Variants in SEZ6 observed in about 807,000 individuals in gnomAD.
The protein encoded by SEZ6 is seizure protein 6 homolog.
Under a neutral mutation model 101.0 loss-of-function variants are expected in SEZ6, and 53 were observed. That is an observed-to-expected ratio of 0.52 (90% CI 0.42 to 0.66). The LOEUF is 0.66. Among genes scored for constraint, SEZ6 ranks in the 30% least tolerant of loss-of-function variants. The probability of loss-of-function intolerance (pLI) is 0.00; values close to 1 mark genes in which losing one functional copy is unlikely to be tolerated. For synonymous variants in SEZ6, 488 were observed against 512.2 expected (o/e 0.95, Z 0.64); for missense variants, 1,102 against 1,289.4 (o/e 0.85, Z 2.23).
intron 5 of SEZ6, among the ~76,000 whole-genome samples, chr17:28,962,715 A>T (rs1390489301): frequency 7.1e-6 from 1 of 141,208 alleles, no homozygotes; most frequent in Non-Finnish European, 1.5e-5. Flanking sequence ...CGGGAGGTGG[A>T]GGTTGCAGTG....
chr17:28,996,824 T>C (rs1415685663), intron 1 of SEZ6, among the ~76,000 whole-genome samples: 1 of 152,152 alleles, frequency 6.6e-6, no homozygotes, highest in Non-Finnish European at 1.5e-5. Context: ...GGCCTGTCCC[T>C]TGTCTCCACC....
At position 29,005,530 on chromosome 17, in the gene SEZ6, G is replaced by C. The variant is rs1265486676; in HGVS notation, c.55+285C>G. Among the ~76,000 whole-genome samples, 2 of 152,206 alleles carry C rather than the reference G, an allele frequency of 1.3e-5. No individual in the cohort carries two copies. On this transcript the variant is annotated intron_variant, in intron 1 of 16. Coordinates refer to ENST00000317338, the MANE Select transcript of SEZ6 (RefSeq NM_178860.5). This position sits in a 1 kb window ranked among gnomAD's most constrained non-coding sequence, Gnocchi z 4.8. Reference sequence around the variant, plus strand: ...CGCGCGGGTGAGCGCGTGTGTGCGGGGAGTGGGTGGCGTGATGAATTGCAT... The same window carrying C: ...CGCGCGGGTGAGCGCGTGTGTGCGGCGAGTGGGTGGCGTGATGAATTGCAT...
At chr17:28,969,980 A>G (rs1025011142) in intron 3 of SEZ6, 28 bp from the exon 4 acceptor site, 6 of 1,512,050 alleles carry the variant, frequency 4.0e-6, no homozygotes, top group Non-Finnish European at 5.2e-6. Context: ...AGAGAAAAGC[A>G]AAGTAGTCAG....
chr17:29,000,846 A>G (rs1470984898), intron 1 of SEZ6, among the ~76,000 whole-genome samples: 2 of 152,082 alleles, frequency 1.3e-5, no homozygotes, highest in Non-Finnish European at 2.9e-5. Context: ...GGTGGTCAGG[A>G]ATCCTGGGCT....
intron 4 of SEZ6, among the ~76,000 whole-genome samples, chr17:28,965,592 T>C (rs1239594847): frequency 1.3e-5 from 2 of 152,116 alleles, no homozygotes; most frequent in Non-Finnish European, 2.9e-5. Flanking sequence ...TGAACTATGA[T>C]TGCACCACTG....
At chr17:28,988,271 C>T (rs923910556) in intron 1 of SEZ6, among the ~76,000 whole-genome samples, 1 of 152,178 alleles carries the variant, frequency 6.6e-6, no homozygotes, top group Non-Finnish European at 1.5e-5. Flanking sequence ...TCTTGACCTC[C>T]TGGGGGCACT....
At chr17:28,991,820 G>T (rs941714052) in intron 1 of SEZ6, among the ~76,000 whole-genome samples, 2 of 152,334 alleles carry the variant, frequency 1.3e-5, no homozygotes, top group East Asian at 3.9e-4. Context: ...GATGAGGTTT[G>T]CTTCCCAAAC....
intron 1 of SEZ6, among the ~76,000 whole-genome samples, chr17:28,987,824 G>T (rs1189567852): frequency 1.3e-5 from 2 of 152,198 alleles, no homozygotes; most frequent in Non-Finnish European, 2.9e-5. Context: ...GCCCAGAATG[G>T]TTATGTAACT....
chr17:28,991,687 C>T (rs933064758), intron 1 of SEZ6, among the ~76,000 whole-genome samples: 3 of 152,134 alleles, frequency 2.0e-5, no homozygotes, highest in Admixed American at 6.6e-5. Context: ...GGGAAAACTG[C>T]GGCTTGGGAT....
chr17:28,975,016 G>T (rs950697534), intron 3 of SEZ6, among the ~76,000 whole-genome samples: 1 of 152,202 alleles, frequency 6.6e-6, no homozygotes, highest in Admixed American at 6.5e-5. Context: ...CTACTTCATG[G>T]GTTTGTAAGG....
intron 1 of SEZ6, among the ~76,000 whole-genome samples, chr17:28,984,105 A>G (rs2041345860): frequency 6.6e-6 from 1 of 152,192 alleles, no homozygotes; most frequent in East Asian, 1.9e-4. Flanking sequence ...GTGTCTTGGC[A>G]TTGTGTGCCA....
At chr17:28,975,956 CAG>C (rs1482510752) in intron 3 of SEZ6, among the ~76,000 whole-genome samples, 2 of 152,220 alleles carry the variant, frequency 1.3e-5, no homozygotes, top group African/African-American at 2.4e-5. Context: ...CTGGAGCCCT[CAG>C]GGGGAGACTG....
rs1230048589 is a variant in SEZ6 at position 28,981,581 on chromosome 17, C to G, written c.514G>C (p.Ala172Pro). ...AVPTLGPGEI[A>P]STTPPSRAWT... ...GCTCTGCTGGGGGGTGTAGTGCTGG[C>G]TATCTCCCCTGGGCCTAGGGTGGGC... is the stretch of plus-strand genomic sequence containing the variant. The change falls in exon 2 of 17, where the codon GCC becomes CCC. Residue 172 changes from alanine (A) to proline (P), a missense_variant. Coordinates refer to ENST00000317338, the MANE Select transcript of SEZ6 (RefSeq NM_178860.5). The G allele has an allele frequency of 1.2e-6, 2 of 1,610,346 alleles. No individual in the cohort carries two copies. The highest frequency in any genetic ancestry group is 1.7e-6 in the Non-Finnish European group (2 of 1,177,760).
intron 4 of SEZ6, among the ~76,000 whole-genome samples, chr17:28,967,485 T>C (rs1469316556): frequency 6.6e-6 from 1 of 151,970 alleles, no homozygotes; most frequent in Non-Finnish European, 1.5e-5. Context: ...AATCTGAGAG[T>C]AACAGACAAG....
At position 28,958,041 on chromosome 17, in the gene SEZ6, G is replaced by T; in HGVS notation, c.2208C>A (p.Tyr736Ter). 6.2e-7 allele frequency: 1 copy of T among 1,613,922 alleles called. No individual in the cohort carries two copies. The highest frequency in any genetic ancestry group is 8.5e-7 in the Non-Finnish European group (1 of 1,179,820). ...CTACCTGGTAGCCAGGGTAGCACTG[G>T]TAAGTGACCACGGTGCCGTGCACTA... ...PELVHGTVVT[Y>*]QCYPGYQVVG... The change falls in exon 11 of 17, where the codon TAC becomes TAA. Residue 736 changes from tyrosine (Y) to a stop codon, truncating the protein, a stop_gained. Transcript: ENST00000317338. LOFTEE classifies it high-confidence loss of function.
At chr17:28,998,170 G>A (rs762409038) in intron 1 of SEZ6, among the ~76,000 whole-genome samples, 20 of 152,020 alleles carry the variant, frequency 1.3e-4, no homozygotes, top group Non-Finnish European at 2.5e-4. Context: ...AGAAGGGTCC[G>A]CTTTGGTGTC....
chr17:28,956,403 CAAG>C lies in SEZ6; in HGVS notation c.2793_2795del (p.Phe931del). 1 of 1,571,174 alleles carries C rather than the reference CAAG, an allele frequency of 6.4e-7. No individual in the cohort carries two copies. Among genetic ancestry groups the C allele is most frequent in the Non-Finnish European group, 8.6e-7 (1 of 1,158,136 alleles). On this transcript the variant is annotated inframe_deletion, in exon 15 of 17. Coordinates refer to ENST00000317338, the MANE Select transcript of SEZ6 (RefSeq NM_178860.5). Reference sequence around the variant, plus strand: ...CCAACAACACCATCGCCACCAGTGGCAAGAAGATGGCAGCTGCAATGTGGGCAG... The same window carrying C: ...CCAACAACACCATCGCCACCAGTGGCAAGATGGCAGCTGCAATGTGGGCAG...
intron 1 of SEZ6, among the ~76,000 whole-genome samples, chr17:28,996,834 C>G (rs1306264782): frequency 6.6e-6 from 1 of 152,176 alleles, no homozygotes; most frequent in East Asian, 1.9e-4. Context: ...TTGTCTCCAC[C>G]TTGTTTTGAC....
At chr17:28,986,561 G>A (rs1215771989) in intron 1 of SEZ6, among the ~76,000 whole-genome samples, 1 of 152,202 alleles carries the variant, frequency 6.6e-6, no homozygotes, top group Non-Finnish European at 1.5e-5. Flanking sequence ...GCTTGCCCAG[G>A]TTCACAGTGG....
Sources: allele counts gnomAD v4.1 joint callset (sites outside exome capture counted in the v4.1 genomes callset), GRCh38; gene constraint gnomAD v4.1.1; non-coding constraint Gnocchi (gnomAD v3.1); transcripts MANE v1.5; gene names NCBI Gene and HGNC (gene_info 2026-07-23, HGNC 2026-07-21).